BMP6: variants seen among roughly 807,000 people sequenced by gnomAD.
BMP6 encodes the protein bone morphogenetic protein 6.
BMP6 carries 17 observed loss-of-function variants against 54.1 expected under a neutral mutation model. The ratio of observed to expected loss-of-function variants is 0.31; its 90% CI spans 0.22 to 0.47. The LOEUF is 0.47. Ranked by LOEUF, BMP6 falls within the 20% of genes least tolerant of loss-of-function variation. BMP6 has a pLI of 1.00. For synonymous variants in BMP6, 328 were observed against 291.2 expected (o/e 1.13, Z -1.28); for missense variants, 720 against 690.4 (o/e 1.04, Z -0.48).
At position 7,854,799 on chromosome 6, in the gene BMP6, TAAAC is replaced by T. The variant is rs1348188425; in HGVS notation, c.858-6650_858-6647del. On this transcript the variant is annotated intron_variant, in intron 2 of 6. Transcript: ENST00000283147. ...AGCAAGACTCTCTCTCAAAAATAAA[TAAAC>T]AGACAAACTAACTAAATAAAAATAA... is the stretch of plus-strand genomic sequence containing the variant. Among the ~76,000 whole-genome samples, 7 of 152,182 alleles carry T rather than the reference TAAAC, an allele frequency of 4.6e-5. 1 individual carries two copies. The highest frequency in any genetic ancestry group is 4.2e-4 in the South Asian group (2 of 4,814).
intron 1 of BMP6, among the ~76,000 whole-genome samples, chr6:7,780,791 A>G (rs552975417): frequency 6.6e-6 from 1 of 152,136 alleles, no homozygotes; most frequent in South Asian, 2.1e-4. Flanking sequence ...AGCTCACTGC[A>G]GTGTTGATCT....
chr6:7,799,828 T>G (rs1758243621), intron 1 of BMP6, among the ~76,000 whole-genome samples: 1 of 152,178 alleles, frequency 6.6e-6, no homozygotes, highest in South Asian at 2.1e-4. Context: ...GATTTTATTC[T>G]CTACTCTCAT....
chr6:7,756,123 C>T (rs759122679), intron 1 of BMP6, among the ~76,000 whole-genome samples: 4 of 152,046 alleles, frequency 2.6e-5, no homozygotes, highest in Non-Finnish European at 5.9e-5. Context: ...TGGCTTTCCT[C>T]TTTCGTCACC....
intron 1 of BMP6, among the ~76,000 whole-genome samples, chr6:7,736,500 A>C (rs1422583245): frequency 2.6e-5 from 4 of 152,252 alleles, no homozygotes. Flanking sequence ...AGGACTTTAA[A>C]AGGCTTCCTC....
At chr6:7,754,411 A>G (rs1388570901) in intron 1 of BMP6, among the ~76,000 whole-genome samples, 1 of 151,658 alleles carries the variant, frequency 6.6e-6, no homozygotes, top group Non-Finnish European at 1.5e-5. Flanking sequence ...GCCCAGCCCA[A>G]ATCTTTACTG....
chr6:7,765,601 A>G (rs572323535), intron 1 of BMP6, among the ~76,000 whole-genome samples: 9 of 152,334 alleles, frequency 5.9e-5, no homozygotes, highest in African/African-American at 1.7e-4. Context: ...CTGCTTCTCT[A>G]TCACTAATTG....
At chr6:7,764,829 G>C (rs1422358265) in intron 1 of BMP6, among the ~76,000 whole-genome samples, 1 of 152,188 alleles carries the variant, frequency 6.6e-6, no homozygotes, top group East Asian at 1.9e-4. Flanking sequence ...AGCAGTAGCT[G>C]ATGCAGGACG....
At chr6:7,804,570 C>A (rs1758318554) in intron 1 of BMP6, among the ~76,000 whole-genome samples, 2 of 152,132 alleles carry the variant, frequency 1.3e-5, no homozygotes, top group Non-Finnish European at 2.9e-5. Flanking sequence ...GATTTTAGAA[C>A]CCGAAGACAC....
At chr6:7,781,060 A>G (rs1757935851) in intron 1 of BMP6, among the ~76,000 whole-genome samples, 1 of 152,170 alleles carries the variant, frequency 6.6e-6, no homozygotes, top group South Asian at 2.1e-4. Flanking sequence ...TAGTCCACAC[A>G]GTACAGTGCA....
At chr6:7,843,205 T>G (rs989946581) in intron 1 of BMP6, among the ~76,000 whole-genome samples, 4 of 152,110 alleles carry the variant, frequency 2.6e-5, no homozygotes, top group Admixed American at 2.6e-4. Flanking sequence ...CTGGTTGGAC[T>G]TCTTCTTGCT....
At chr6:7,828,025 CA>C (rs1758727492) in intron 1 of BMP6, among the ~76,000 whole-genome samples, 1 of 152,158 alleles carries the variant, frequency 6.6e-6, no homozygotes. Flanking sequence ...CTATTTTTCC[CA>C]CTCTTTTTTA....
At chr6:7,767,467 G>A (rs886799443) in intron 1 of BMP6, among the ~76,000 whole-genome samples, 2 of 152,116 alleles carry the variant, frequency 1.3e-5, no homozygotes, top group Admixed American at 6.5e-5. Context: ...GAGATGCTTC[G>A]TAAAGTGTAG....
intron 1 of BMP6, among the ~76,000 whole-genome samples, chr6:7,810,056 A>G (rs1159927093): frequency 1.3e-5 from 2 of 152,218 alleles, no homozygotes; most frequent in Non-Finnish European, 2.9e-5. Flanking sequence ...AGATGTTTAT[A>G]TATCCTCTAC....
Position 7,817,546 on chromosome 6 carries a change from G to A in BMP6, c.665-27594G>A, listed in dbSNP as rs969529249. Reference sequence around the variant, plus strand: ...CAATGAGAACACTTGGACACAGGGCGGGGAACATCACACACGGGGGCCTGT... The same window carrying A: ...CAATGAGAACACTTGGACACAGGGCAGGGAACATCACACACGGGGGCCTGT... On this transcript the variant is annotated intron_variant, in intron 1 of 6. Transcript: ENST00000283147. Among the ~76,000 whole-genome samples the A allele has an allele frequency of 1.5e-4, 22 of 148,772 alleles. No homozygotes were observed. In the East Asian group the frequency reaches 1.8e-3, roughly 12 times the overall value.
At chr6:7,769,047 C>T (rs372640006) in intron 1 of BMP6, among the ~76,000 whole-genome samples, 2 of 152,152 alleles carry the variant, frequency 1.3e-5, no homozygotes, top group South Asian at 2.1e-4. Flanking sequence ...AAGGAGTATA[C>T]GCTTCTCCCC....
At chr6:7,742,048 A>G (rs1184861041) in intron 1 of BMP6, among the ~76,000 whole-genome samples, 3 of 152,232 alleles carry the variant, frequency 2.0e-5, no homozygotes, top group African/African-American at 7.2e-5. Context: ...TTCTCTCATT[A>G]CAAATAACAT....
At chr6:7,819,486 A>G (rs1758575743) in intron 1 of BMP6, among the ~76,000 whole-genome samples, 1 of 152,100 alleles carries the variant, frequency 6.6e-6, no homozygotes. Flanking sequence ...TTGAATTTGA[A>G]TTTGGCAAAC....
At chr6:7,809,889 CTGAG>C (rs1239209949) in intron 1 of BMP6, among the ~76,000 whole-genome samples, 1 of 152,170 alleles carries the variant, frequency 6.6e-6, no homozygotes, top group Non-Finnish European at 1.5e-5. Context: ...TTAAGGGAAA[CTGAG>C]TGAGATTATT....
At chr6:7,741,818 C>T (rs895439857) in intron 1 of BMP6, among the ~76,000 whole-genome samples, 12 of 152,222 alleles carry the variant, frequency 7.9e-5, no homozygotes, top group Admixed American at 2.6e-4. Context: ...GAAGTTCCAG[C>T]GTTGGCTCTG....
Sources: allele counts gnomAD v4.1 joint callset (sites outside exome capture counted in the v4.1 genomes callset), GRCh38; gene constraint gnomAD v4.1.1; transcripts MANE v1.5; gene names NCBI Gene and HGNC (gene_info 2026-07-23, HGNC 2026-07-21).